The following TMTC1 variants were observed in gnomAD, a reference collection of about 807,000 sequenced individuals.
TMTC1 encodes the protein transmembrane O-mannosyltransferase targeting cadherins 1, also known as protein O-mannosyl-transferase TMTC1.
TMTC1 carries 73 observed loss-of-function variants against 104.8 expected under a neutral mutation model. The observed-to-expected ratio is 0.70, with a 90% confidence interval of 0.58 to 0.85. The LOEUF is 0.85. TMTC1 is among the 40% of genes least tolerant of loss of function. The pLI is 0.00. For synonymous variants in TMTC1, 434 were observed against 428.7 expected (o/e 1.01, Z -0.15); for missense variants, 1,035 against 1,096.1 (o/e 0.94, Z 0.79).
intron 7 of TMTC1, among the ~76,000 whole-genome samples, chr12:29,599,971 T>C (rs537651979): frequency 0.036 from 3,814 of 105,432 alleles, 363 homozygotes; most frequent in African/African-American, 0.17. Flanking sequence ...TATATATATG[T>C]GTGTGTGTGT....
At chr12:29,582,650 C>T (rs897601425) in intron 8 of TMTC1, among the ~76,000 whole-genome samples, 2 of 152,262 alleles carry the variant, frequency 1.3e-5, no homozygotes, top group East Asian at 3.9e-4. Context: ...CAACAGTTTC[C>T]CCTTTCCTTA....
At chr12:29,643,717 A>AC (rs1215114652) in intron 5 of TMTC1, among the ~76,000 whole-genome samples, 8 of 34,264 alleles carry the variant, frequency 2.3e-4, no homozygotes, top group African/African-American at 9.8e-4. Context: ...TTATATATAT[A>AC]ATATATAAAT....
At chr12:29,561,188 GA>G (rs58224772) in intron 9 of TMTC1, among the ~76,000 whole-genome samples, 21,499 of 134,916 alleles carry the variant, frequency 0.16, 2,151 homozygotes, top group African/African-American at 0.31. Flanking sequence ...ATCTTTTAAA[GA>G]AAAAAAAAAA....
chr12:29,565,770 C>G (rs570504897), intron 9 of TMTC1, among the ~76,000 whole-genome samples: 48 of 152,252 alleles, frequency 3.2e-4, no homozygotes, highest in African/African-American at 1.1e-3. Context: ...TCTCTTGTAC[C>G]CAGAAGGCAG....
At chr12:29,529,095 G>T (rs1944428613) in intron 11 of TMTC1, among the ~76,000 whole-genome samples, 1 of 152,162 alleles carries the variant, frequency 6.6e-6, no homozygotes, top group Non-Finnish European at 1.5e-5. Context: ...CGGCAAAGGA[G>T]ACAGTATTTT....
intron 6 of TMTC1, among the ~76,000 whole-genome samples, chr12:29,618,037 C>T (rs373855660): frequency 1.3e-5 from 2 of 152,116 alleles, no homozygotes; most frequent in East Asian, 1.9e-4. Flanking sequence ...TGGCAATAAT[C>T]CAAATGAGAG....
intron 5 of TMTC1, among the ~76,000 whole-genome samples, chr12:29,652,081 G>A (rs183121900): frequency 1.5e-4 from 23 of 152,250 alleles, no homozygotes; most frequent in Non-Finnish European, 5.9e-5. Flanking sequence ...GGTACTATAG[G>A]GGATATGAAT....
intron 10 of TMTC1, among the ~76,000 whole-genome samples, chr12:29,545,623 A>G (rs1944918383): frequency 7.4e-6 from 1 of 135,276 alleles, no homozygotes; most frequent in African/African-American, 2.7e-5. Flanking sequence ...ACAGAGCAAG[A>G]CTCTGTCACA....
chr12:29,547,298 AG>A (rs1944968274), intron 10 of TMTC1, among the ~76,000 whole-genome samples: 1 of 152,218 alleles, frequency 6.6e-6, no homozygotes, highest in Admixed American at 6.5e-5. Context: ...TCATTACAAA[AG>A]GAAAAGGAAA....
chr12:29,666,470 T>C (rs1161023452), intron 5 of TMTC1, among the ~76,000 whole-genome samples: 1 of 151,938 alleles, frequency 6.6e-6, no homozygotes, highest in Non-Finnish European at 1.5e-5. Context: ...CCTGACCTCG[T>C]GATCCACCCG....
chr12:29,566,396 C>G (rs1945516826), intron 9 of TMTC1, among the ~76,000 whole-genome samples: 1 of 152,162 alleles, frequency 6.6e-6, no homozygotes, highest in South Asian at 2.1e-4. Flanking sequence ...GGGCCGCCCA[C>G]TTTCCCCGTA....
At chr12:29,749,173 T>G (rs302331) in intron 5 of TMTC1, among the ~76,000 whole-genome samples, 1 of 151,836 alleles carries the variant, frequency 6.6e-6, no homozygotes. Context: ...TTCATATTTC[T>G]TCCTACCCTT....
In TMTC1 at chr12:29,706,328, C is replaced by T. The variant is rs535384978; in HGVS notation, c.938+45338G>A. Among the ~76,000 whole-genome samples the T allele has an allele frequency of 4.2e-4, 64 of 152,294 alleles. No individual in the cohort carries two copies. The Middle Eastern group carries it at 0.017, about 40-fold the overall frequency. On this transcript the variant is annotated intron_variant, in intron 5 of 17. Coordinates refer to ENST00000539277, the MANE Select transcript of TMTC1 (RefSeq NM_001193451.2). ...GAGCAAGGATTTGCACAGCCAAGAA[C>T]ATTAAAGGCAGAGACAAGAGCAAAA... is the stretch of plus-strand genomic sequence containing the variant.
intron 5 of TMTC1, among the ~76,000 whole-genome samples, chr12:29,723,676 C>CAAGCCAGGGAAACAAA (rs1942301282): frequency 6.6e-6 from 1 of 151,846 alleles, no homozygotes; most frequent in African/African-American, 2.4e-5. Context: ...GGAGCCACTA[C>CAAGCCAGGGAAACAAA]AAGCCAGGGA....
intron 6 of TMTC1, among the ~76,000 whole-genome samples, chr12:29,632,349 TGGTA>T (rs1938342209): frequency 6.6e-6 from 1 of 152,194 alleles, no homozygotes; most frequent in African/African-American, 2.4e-5. Context: ...TCATCTTGAA[TGGTA>T]GTTCCCATAA....
chr12:29,763,107 C>T (rs1313710393), intron 2 of TMTC1, among the ~76,000 whole-genome samples: 1 of 152,218 alleles, frequency 6.6e-6, no homozygotes, highest in Non-Finnish European at 1.5e-5. Context: ...GCTAGACAAG[C>T]TTAACTAATG....
At chr12:29,597,372 GC>G in intron 7 of TMTC1, among the ~76,000 whole-genome samples, 1 of 151,378 alleles carries the variant, frequency 6.6e-6, no homozygotes, top group Non-Finnish European at 1.5e-5. Flanking sequence ...ACCATGCCTG[GC>G]CAGTCCATGT....
chr12:29,556,195 C>A (rs560630175), intron 10 of TMTC1, among the ~76,000 whole-genome samples: 184 of 152,262 alleles, frequency 1.2e-3, no homozygotes, highest in African/African-American at 4.2e-3. Flanking sequence ...TCTTCAGTAA[C>A]TTTAATCACA....
At chr12:29,540,676 A>G (rs10771548) in intron 10 of TMTC1, among the ~76,000 whole-genome samples, 150,186 of 152,064 alleles carry the variant, frequency 0.99, 74,164 homozygotes, top group East Asian at 1. Flanking sequence ...TAATTGCTGC[A>G]TTCGTTTAAA....
Sources: gnomAD v4.1 joint callset for allele counts (sites outside exome capture counted in the v4.1 genomes callset) on GRCh38, gnomAD v4.1.1 for gene constraint, MANE v1.5 for transcripts, NCBI Gene and HGNC (gene_info 2026-07-23, HGNC 2026-07-21) for gene names.